Variants in RAB31 observed in about 807,000 individuals in gnomAD.
RAB31 encodes RAB31, member RAS oncogene family, also known as ras-related protein Rab-31.
A neutral mutation model predicts 25.6 loss-of-function variants in RAB31; 21 were observed. That is an observed-to-expected ratio of 0.82 (90% CI 0.58 to 1.18). The LOEUF (loss-of-function observed/expected upper bound fraction) is 1.18, where lower values mean the gene tolerates loss of function less well. RAB31 is among the 50% of genes most tolerant of loss of function. The pLI is 0.00. For synonymous variants in RAB31, 87 were observed against 84.0 expected, an observed-to-expected ratio of 1.04 and a Z score of -0.20; for missense variants, 196 against 250.1, an observed-to-expected ratio of 0.78 and a Z score of 1.46.
intron 6 of RAB31, among the ~76,000 whole-genome samples, chr18:9,856,937 C>T (rs1189436401): frequency 6.6e-6 from 1 of 152,022 alleles, no homozygotes; most frequent in Non-Finnish European, 1.5e-5. Flanking sequence ...CTATTTATCA[C>T]TTAAGGTTGA....
chr18:9,805,611 G>A (rs1363185078), intron 3 of RAB31, among the ~76,000 whole-genome samples: 1 of 152,180 alleles, frequency 6.6e-6, no homozygotes, highest in East Asian at 1.9e-4. Context: ...ATAGTCACAG[G>A]TGATGGGGAT....
intron 1 of RAB31, among the ~76,000 whole-genome samples, chr18:9,710,965 A>G (rs1359242644): frequency 2.0e-5 from 3 of 151,046 alleles, no homozygotes; most frequent in Non-Finnish European, 4.4e-5. Context: ...TATTGAAATC[A>G]GAGGACATTT....
chr18:9,856,624 C>T (rs530438037), intron 6 of RAB31, among the ~76,000 whole-genome samples: 2 of 152,268 alleles, frequency 1.3e-5, no homozygotes, highest in Non-Finnish European at 2.9e-5. Context: ...GATTTTGATA[C>T]AGTGAAAAAT....
chr18:9,778,273 G>A (rs2068383760), intron 2 of RAB31, among the ~76,000 whole-genome samples: 2 of 152,128 alleles, frequency 1.3e-5, no homozygotes, highest in Non-Finnish European at 2.9e-5. Flanking sequence ...GGAGCCGTGT[G>A]TGCATGGAGG....
chr18:9,832,593 C>T (rs894300813), intron 5 of RAB31, among the ~76,000 whole-genome samples: 2 of 152,154 alleles, frequency 1.3e-5, no homozygotes, highest in African/African-American at 2.4e-5. Context: ...CCGCGAATGT[C>T]GGAGTGAAGT....
chr18:9,802,414 C>T (rs1200772131), intron 3 of RAB31, among the ~76,000 whole-genome samples: 1 of 152,212 alleles, frequency 6.6e-6, no homozygotes, highest in Non-Finnish European at 1.5e-5. Context: ...GTGAATCATA[C>T]CTTTAATCCC....
intron 1 of RAB31, among the ~76,000 whole-genome samples, chr18:9,760,082 C>T (rs546206221): frequency 6.6e-6 from 1 of 151,980 alleles, no homozygotes; most frequent in East Asian, 1.9e-4. Flanking sequence ...ATTTTTTTAA[C>T]CTGGGTTAAA....
chr18:9,730,543 C>A (rs551482362), intron 1 of RAB31, among the ~76,000 whole-genome samples: 1 of 152,300 alleles, frequency 6.6e-6, no homozygotes, highest in African/African-American at 2.4e-5. Flanking sequence ...CCATGTTGGC[C>A]TCCCAAAGTG....
In RAB31 at chr18:9,749,507, A is replaced by T. The variant is rs116706774; in HGVS notation, c.40-25771A>T. 4.8e-3 allele frequency among the ~76,000 whole-genome samples: 737 copies of T among 152,302 alleles called. 5 individuals are homozygous for T. The highest frequency in any genetic ancestry group is 0.017 in the African/African-American group (713 of 41,562). ...GGAGAGCTGGGATTTATTGTAATTT[A>T]TAGTTTACATAGCTTCTATGTTTTG... On this transcript the variant is annotated intron_variant, in intron 1 of 6. Coordinates refer to ENST00000578921, the MANE Select transcript of RAB31 (RefSeq NM_006868.4).
chr18:9,792,580 C>A (rs1441093002), intron 3 of RAB31, among the ~76,000 whole-genome samples: 1 of 152,112 alleles, frequency 6.6e-6, no homozygotes, highest in Non-Finnish European at 1.5e-5. Context: ...AACCATGGCC[C>A]CAAAAGCATC....
intron 1 of RAB31, among the ~76,000 whole-genome samples, chr18:9,732,493 CCT>C (rs527732010): frequency 1.9e-3 from 288 of 152,326 alleles, no homozygotes; most frequent in African/African-American, 6.7e-3. Context: ...TCACAACGGC[CCT>C]GTTAGCGGGT....
chr18:9,822,760 A>G (rs1328208844), intron 5 of RAB31, among the ~76,000 whole-genome samples: 2 of 152,110 alleles, frequency 1.3e-5, no homozygotes, highest in African/African-American at 4.8e-5. Flanking sequence ...CAGCGACAAC[A>G]CCTAATGCTG....
At chr18:9,726,962 C>T (rs995882568) in intron 1 of RAB31, among the ~76,000 whole-genome samples, 1 of 152,100 alleles carries the variant, frequency 6.6e-6, no homozygotes, top group Non-Finnish European at 1.5e-5. Flanking sequence ...AACACTGTAA[C>T]ATTTATTTTT....
chr18:9,743,801 C>G (rs549229135), intron 1 of RAB31, among the ~76,000 whole-genome samples: 1 of 152,256 alleles, frequency 6.6e-6, no homozygotes, highest in Non-Finnish European at 1.5e-5. Context: ...TTGGCACCTC[C>G]AGGACCTCTG....
intron 1 of RAB31, among the ~76,000 whole-genome samples, chr18:9,724,295 A>C (rs957867471): frequency 1.1e-4 from 16 of 150,564 alleles, no homozygotes; most frequent in African/African-American, 3.5e-4. Flanking sequence ...AAACAAAAAA[A>C]AAACATTATT....
At chr18:9,715,800 G>C (rs1268643843) in intron 1 of RAB31, among the ~76,000 whole-genome samples, 1 of 152,104 alleles carries the variant, frequency 6.6e-6, no homozygotes, top group East Asian at 1.9e-4. Context: ...CCAAAGTGTT[G>C]GGATTACAGG....
intron 3 of RAB31, among the ~76,000 whole-genome samples, chr18:9,799,748 G>GATAT (rs1244094288): frequency 6.6e-6 from 1 of 152,194 alleles, no homozygotes; most frequent in African/African-American, 2.4e-5. Flanking sequence ...ATTCAGTGGT[G>GATAT]ATATGGTAAT....
intron 1 of RAB31, among the ~76,000 whole-genome samples, chr18:9,771,100 G>T (rs905141375): frequency 6.6e-6 from 1 of 152,156 alleles, no homozygotes; most frequent in Non-Finnish European, 1.5e-5. Context: ...GAGCTCAGGA[G>T]TTCGAGGCTG....
At chr18:9,742,172 C>T (rs80343435) in intron 1 of RAB31, among the ~76,000 whole-genome samples, 11,582 of 152,170 alleles carry the variant, frequency 0.076, 758 homozygotes, top group African/African-American at 0.18. Flanking sequence ...TGATTGAAGG[C>T]GGTCTTTCAA....
Sources: gnomAD v4.1 joint callset for allele counts (sites outside exome capture counted in the v4.1 genomes callset) on GRCh38, gnomAD v4.1.1 for gene constraint, MANE v1.5 for transcripts, NCBI Gene and HGNC (gene_info 2026-07-23, HGNC 2026-07-21) for gene names.